Variants in CARD14 observed in about 807,000 individuals in gnomAD.
CARD14 encodes the protein caspase recruitment domain family member 14, also known as caspase recruitment domain-containing protein 14.
Under a neutral mutation model 111.5 loss-of-function variants are expected in CARD14, and 107 were observed. The observed-to-expected ratio is 0.96, with a 90% CI of 0.82 to 1.13. The LOEUF is 1.13. Among genes scored for constraint, CARD14 ranks in the 50% most tolerant of loss-of-function variants. The pLI is 0.00. For synonymous variants in CARD14, 617 were observed against 579.6 expected, an observed-to-expected ratio of 1.06 and a Z score of -0.93; for missense variants, 1,322 against 1,362.3, an observed-to-expected ratio of 0.97 and a Z score of 0.47.
rs984278499 is a variant in CARD14, at chr17:80,202,302, G to A, written c.2101G>A (p.Glu701Lys). 2.0e-5 allele frequency: 33 copies of A among 1,613,640 alleles called. No individual in the cohort carries two copies. Among genetic ancestry groups the A allele is most frequent in the African/African-American group, 5.3e-5 (4 of 74,908 alleles). ...AKGELQVHCN[E>K]VLHVTDTMFQ... ...AGGGGAGCTGCAGGTGCATTGCAAC[G>A]AGGTCCTGCACGTCACCGACACCAT... Residue 701 changes from glutamate (E) to lysine (K), a missense_variant, in exon 18 of 24, where the codon GAG becomes AAG. Glu to Lys is a moderately conservative substitution (Grantham distance 56). Coordinates refer to ENST00000648509, the MANE Select transcript of CARD14 (RefSeq NM_001366385.1).
At chr17:80,200,706 C>T (rs2040927672) in intron 16 of CARD14, 1 of 152,704 alleles carries the variant, frequency 6.5e-6, no homozygotes, top group African/African-American at 2.4e-5. Flanking sequence ...TATTATTACA[C>T]TGTAATATGT....
In CARD14 at chr17:80,192,593, G is replaced by A. The variant is rs774755867; in HGVS notation, c.1330G>A (p.Asp444Asn). The A allele has an allele frequency of 1.4e-5, 23 of 1,613,060 alleles. No individual in the cohort carries two copies. The East Asian group carries it at 2.2e-4, about 16-fold the overall frequency. ...MHAICPRDDS[D>N]CSLVSSTESQ... is the part of the protein sequence containing the mutation. ...TGCCATCTGCCCCAGAGACGACAGC[G>A]ACTGCAGCCTCGTCAGCTCCACAGA... The change falls in exon 12 of 24, where the codon GAC becomes AAC. Residue 444 changes from aspartate to asparagine, a missense_variant. Physicochemically the swap from Asp to Asn is conservative, Grantham distance 23. Coordinates refer to ENST00000648509, the MANE Select transcript of CARD14 (RefSeq NM_001366385.1).
chr17:80,184,041 C>G lies in CARD14; in HGVS notation c.478C>G (p.Leu160Val), dbSNP rs769988602. The G allele has an allele frequency of 3.2e-5, 51 of 1,588,062 alleles. 1 individual carries two copies. In the South Asian group the frequency reaches 5.2e-4, roughly 16 times the overall value. Residue 160 changes from leucine to valine, a missense_variant, in exon 7 of 24, where the codon CTG (leucine) becomes GTG (valine). Leu to Val is a conservative substitution (Grantham distance 32, BLOSUM62 1). Transcript: ENST00000648509. ...LRRCQQLQEH[L>V]GLAETRAEGL... ...GCGGTGCCAGCAGCTGCAGGAGCAC[C>G]TGGGCCTGGCCGAGACCCGTGCCGA... is the stretch of plus-strand genomic sequence containing the variant.
At chr17:80,187,570 A>G (rs561473552) in intron 7 of CARD14, among the ~76,000 whole-genome samples, 68 of 152,248 alleles carry the variant, frequency 4.5e-4, no homozygotes, top group African/African-American at 1.5e-3. Context: ...CCATTGCAGG[A>G]GCTGGGAACT....
chr17:80,190,643 G>C, intron 9 of CARD14, 131 bp from the exon 10 acceptor site: 1 of 831,922 alleles, frequency 1.2e-6, no homozygotes, highest in Non-Finnish European at 1.8e-6. Flanking sequence ...AGAGAGAGAC[G>C]AGTGAGAATT....
rs192377211 is a variant in CARD14 at position 80,181,000 on chromosome 17, C to T, written c.-20-419C>T. Among the ~76,000 whole-genome samples the T allele has an allele frequency of 3.1e-3, 473 of 152,030 alleles. 3 individuals carry two copies. The highest frequency in any genetic ancestry group is 1.0e-2 in the South Asian group (48 of 4,812). Reference sequence around the variant, plus strand: ...CTGGTCTCGAACTCTTAGGCTTGAGCAATCCTTCCCCCTTCGCCTCTCAAA... The same window carrying T: ...CTGGTCTCGAACTCTTAGGCTTGAGTAATCCTTCCCCCTTCGCCTCTCAAA... On this transcript the variant is annotated intron_variant, in intron 4 of 23. Transcript: ENST00000648509.
In CARD14 at chr17:80,204,314, G is replaced by T. The variant is rs761853579; in HGVS notation, c.2371G>T (p.Gly791Cys). 1.9e-6 allele frequency: 3 copies of T among 1,589,940 alleles called. No homozygotes were observed. Among genetic ancestry groups the T allele is most frequent in the African/African-American group, 1.3e-5 (1 of 74,514 alleles). ...ASPLRLSFDRGQLDPSRMEGS... is the reference protein window; with the variant it reads ...ASPLRLSFDRCQLDPSRMEGS... ...CCCTCTGCGTTTGTCCTTTGACAGG[G>T]GCCAGTTGGACCCCAGCAGGATGGA... The change falls in exon 20 of 24, where the codon GGC becomes TGC. Residue 791 changes from glycine to cysteine, a missense_variant. By Grantham distance (159) the Gly-to-Cys change is radical. Transcript: ENST00000648509.
intron 2 of CARD14, among the ~76,000 whole-genome samples, chr17:80,174,532 A>T (rs1037187840): frequency 6.6e-6 from 1 of 152,130 alleles, no homozygotes; most frequent in Non-Finnish European, 1.5e-5. Flanking sequence ...TTTAGATAGC[A>T]CAGGGTCATG....
At chr17:80,180,912 A>G (rs992456086) in intron 4 of CARD14, among the ~76,000 whole-genome samples, 1 of 152,036 alleles carries the variant, frequency 6.6e-6, no homozygotes, top group African/African-American at 2.4e-5. Context: ...GCAGGTGCAT[A>G]CCACCATGCC....
intron 16 of CARD14, among the ~76,000 whole-genome samples, chr17:80,200,228 C>CG (rs1567894205): frequency 9.1e-6 from 1 of 109,544 alleles, no homozygotes; most frequent in Non-Finnish European, 1.9e-5. Flanking sequence ...CTTTACATGT[C>CG]ATTTTTTTTT....
At chr17:80,193,210 G>A (rs747676515) in intron 12 of CARD14, among the ~76,000 whole-genome samples, 36 of 152,130 alleles carry the variant, frequency 2.4e-4, no homozygotes, top group Non-Finnish European at 3.1e-4. Flanking sequence ...CAGGGGAACC[G>A]ATTCAACCTG....
In CARD14 at chr17:80,188,478, C is replaced by A. The variant is rs769783308; in HGVS notation, c.777C>A (p.Ser259=). The change falls in exon 8 of 24, where the codon TCC becomes TCA. Residue 259 remains serine (S), a synonymous_variant. Transcript: ENST00000648509. The surrounding 1 kb of genome is among the most constrained non-coding windows in gnomAD (Gnocchi z 4.5). ...TGAGGACAGCCAGCGACCAGGAGTC[C>A]GGGGATGAGGAGCTGAACCGCCTGA... The part of the protein sequence containing the change: ...QSLRTASDQE[S]GDEELNRLKE... The A allele has an allele frequency of 1.3e-6, 2 of 1,591,884 alleles. No homozygotes were observed. Among genetic ancestry groups the A allele is most frequent in the Admixed American group, 3.6e-5 (2 of 55,806 alleles).
chr17:80,204,778 G>A (rs1400320901), intron 20 of CARD14: 2 of 477,354 alleles, frequency 4.2e-6, no homozygotes, highest in Admixed American at 3.7e-5. Context: ...TGGGCCTATA[G>A]GAAACAGGAT....
rs1010372505 is a variant in CARD14, at chr17:80,208,083, C to A, written c.2808-55C>A. On this transcript the variant is annotated intron_variant, in intron 23 of 23. Coordinates refer to ENST00000648509, the MANE Select transcript of CARD14 (RefSeq NM_001366385.1). ...CATGTCATCACTACCCTAGCCAGGG[C>A]TCCTGGGCCCTTGCTCTCCCCTGAG... The A allele has an allele frequency of 1.0e-5, 14 of 1,362,314 alleles. No individual in the cohort carries two copies. In the African/African-American group the frequency reaches 1.8e-4, roughly 17 times the overall value. The allele number at this position is 1,362,314 out of a possible 1,614,324, so 84.4% of individuals were successfully genotyped here.
intron 1 of CARD14, among the ~76,000 whole-genome samples, chr17:80,172,129 A>G (rs2039916302): frequency 6.6e-6 from 1 of 152,218 alleles, no homozygotes; most frequent in Admixed American, 6.5e-5. Context: ...TGCTAGAAAC[A>G]AACATTATAC....
chr17:80,180,599 CAG>C (rs894761377), intron 4 of CARD14, among the ~76,000 whole-genome samples: 1 of 152,148 alleles, frequency 6.6e-6, no homozygotes, highest in African/African-American at 2.4e-5. Context: ...TTTTTTTAGA[CAG>C]AGTCTTGCTC....
In CARD14 at chr17:80,177,253, G is replaced by T. The variant is rs571785675; in HGVS notation, c.-366-1255G>T. Among the ~76,000 whole-genome samples the T allele has an allele frequency of 5.3e-5, 8 of 151,872 alleles. No individual in the cohort carries two copies. The South Asian group carries it at 1.7e-3, about 32-fold the overall frequency. Reference sequence around the variant, plus strand: ...TCTTCTTTCTTTTTTTTTTAAGACAGGGTCTTGCTCTGTCGTCCAGGCTGG... The same window carrying T: ...TCTTCTTTCTTTTTTTTTTAAGACATGGTCTTGCTCTGTCGTCCAGGCTGG... On this transcript the variant is annotated intron_variant, in intron 2 of 23. Coordinates refer to ENST00000648509, the MANE Select transcript of CARD14 (RefSeq NM_001366385.1).
In CARD14 at chr17:80,190,911, G is replaced by T. The variant is rs777711311; in HGVS notation, c.1089+12G>T. On this transcript the variant is annotated intron_variant, in intron 10 of 23. Coordinates refer to ENST00000648509, the MANE Select transcript of CARD14 (RefSeq NM_001366385.1). ...AGGAGCGAGACCAGGTACCTGAGAG[G>T]CCGGGCCCACCCCGCCACCCCATGC... 15 of 1,612,216 alleles carry T rather than the reference G, an allele frequency of 9.3e-6. No individual in the cohort carries two copies. Among genetic ancestry groups the T allele is most frequent in the Non-Finnish European group, 1.2e-5 (14 of 1,179,618 alleles).
At position 80,198,812 on chromosome 17, in the gene CARD14, G is replaced by A. The variant is rs938731497; in HGVS notation, c.1851+221G>A. The A allele has an allele frequency of 1.7e-5, 25 of 1,482,414 alleles. No homozygotes were observed. Among genetic ancestry groups the A allele is most frequent in the East Asian group, 4.6e-5 (2 of 43,050 alleles). 91.8% of individuals were successfully genotyped at this position (1,482,414 alleles called of 1,614,324 possible). A position where few individuals can be genotyped will look rare whatever the true frequency, so the allele number is the denominator to read the frequency against. On this transcript the variant is annotated intron_variant, in intron 16 of 23. Transcript: ENST00000648509. The surrounding 1 kb of genome is among the most constrained non-coding windows in gnomAD (Gnocchi z 7.5). Reference sequence around the variant, plus strand: ...GTCACCCGTGGTGCTGCTGCCATGCGGCGCTTCTGACCAGGGGTCTTTGCA... The same window carrying A: ...GTCACCCGTGGTGCTGCTGCCATGCAGCGCTTCTGACCAGGGGTCTTTGCA...
Sources: allele counts gnomAD v4.1 joint callset (sites outside exome capture counted in the v4.1 genomes callset), GRCh38; gene constraint gnomAD v4.1.1; non-coding constraint Gnocchi (gnomAD v3.1); transcripts MANE v1.5; gene names NCBI Gene and HGNC (gene_info 2026-07-23, HGNC 2026-07-21).